NRXN3: variants seen among roughly 807,000 people sequenced by gnomAD.
NRXN3 encodes neurexin 3.
A neutral mutation model predicts 137.6 loss-of-function variants in NRXN3; 32 were observed. The ratio of observed to expected loss-of-function variants is 0.23; its 90% confidence interval spans 0.18 to 0.31. The LOEUF (loss-of-function observed/expected upper bound fraction) is 0.31, where lower values mean the gene tolerates loss of function less well. NRXN3 is among the 10% of genes least tolerant of loss of function. NRXN3 has a pLI of 1.00. For missense variants in NRXN3, 1,574 were observed against 2,062.5 expected, an observed-to-expected ratio of 0.76 and a Z score of 4.59; for synonymous variants, 798 against 784.5, an observed-to-expected ratio of 1.02 and a Z score of -0.29.
chr14:78,715,148 G>A lies in NRXN3; in HGVS notation c.2044+9G>A, dbSNP rs1203390142. The A allele has an allele frequency of 1.9e-6, 3 of 1,599,314 alleles. 1 individual carries two copies. The South Asian group carries it at 3.3e-5, about 18-fold the overall frequency. ...AAGAACCTGCGAAAGGGGTGAGTCG[G>A]CCTAGAGGATGGCAAGTGAGGGCCT... is the stretch of plus-strand genomic sequence containing the variant. On this transcript the variant is annotated intron_variant, in intron 8 of 20. Transcript: ENST00000335750.
At chr14:79,378,356 A>G (rs1361019052) in intron 15 of NRXN3, among the ~76,000 whole-genome samples, 1 of 152,174 alleles carries the variant, frequency 6.6e-6, no homozygotes, top group Non-Finnish European at 1.5e-5. Context: ...GACTGCATCC[A>G]AAACCAGTCA....
intron 4 of NRXN3, among the ~76,000 whole-genome samples, chr14:78,407,011 G>T (rs949860887): frequency 6.6e-6 from 1 of 152,180 alleles, no homozygotes; most frequent in African/African-American, 2.4e-5. Flanking sequence ...CAGGGTACAA[G>T]GAGACAAAGA....
At chr14:79,278,800 T>C (rs1424075695) in intron 15 of NRXN3, among the ~76,000 whole-genome samples, 5 of 152,130 alleles carry the variant, frequency 3.3e-5, no homozygotes, top group Non-Finnish European at 7.4e-5. Context: ...CGGACTCAGA[T>C]TCCCATCATT....
chr14:79,108,072 A>G (rs1465428765), intron 15 of NRXN3, among the ~76,000 whole-genome samples: 2 of 152,178 alleles, frequency 1.3e-5, no homozygotes, highest in South Asian at 4.1e-4. Flanking sequence ...ACAGGGAAGG[A>G]GTAGTAGCTA....
chr14:78,256,569 G>T (rs1387530595), intron 2 of NRXN3, among the ~76,000 whole-genome samples: 2 of 152,124 alleles, frequency 1.3e-5, no homozygotes, highest in Admixed American at 6.5e-5. Flanking sequence ...CCCCTTTTAG[G>T]GGGTGAGAAA....
At chr14:78,686,766 CA>C (rs1166887997) in intron 6 of NRXN3, among the ~76,000 whole-genome samples, 1 of 152,180 alleles carries the variant, frequency 6.6e-6, no homozygotes, top group Non-Finnish European at 1.5e-5. Context: ...GAAGTCTCAG[CA>C]GAACCCTTGA....
chr14:79,004,147 C>T (rs768172759), intron 15 of NRXN3, among the ~76,000 whole-genome samples: 12 of 152,102 alleles, frequency 7.9e-5, no homozygotes, highest in Non-Finnish European at 1.5e-4. Context: ...TGCCAAGGGT[C>T]CTCACACAGG....
chr14:79,245,985 T>C (rs2075115851), intron 15 of NRXN3, among the ~76,000 whole-genome samples: 1 of 152,142 alleles, frequency 6.6e-6, no homozygotes, highest in African/African-American at 2.4e-5. Context: ...GCCATTTCTA[T>C]TGGAAAGTGA....
chr14:79,484,382 G>T (rs971483812), intron 16 of NRXN3, among the ~76,000 whole-genome samples: 76 of 152,044 alleles, frequency 5.0e-4, no homozygotes, highest in African/African-American at 1.8e-3. Context: ...TAGAAAACGT[G>T]CCCAGCTGGT....
intron 15 of NRXN3, among the ~76,000 whole-genome samples, chr14:79,116,482 T>C (rs1178591745): frequency 6.6e-6 from 1 of 152,224 alleles, no homozygotes; most frequent in East Asian, 1.9e-4. Context: ...AAGCTCTGGC[T>C]TAGTTACTGT....
intron 20 of NRXN3, among the ~76,000 whole-genome samples, chr14:79,852,045 G>T (rs561842722): frequency 2.6e-4 from 39 of 151,884 alleles, no homozygotes; most frequent in African/African-American, 9.2e-4. Context: ...TCATCATTGT[G>T]CTCTGTCACT....
intron 15 of NRXN3, among the ~76,000 whole-genome samples, chr14:79,070,110 C>G (rs1427230374): frequency 6.6e-6 from 1 of 152,092 alleles, no homozygotes; most frequent in East Asian, 1.9e-4. Context: ...TGTTATGACC[C>G]TCTAATTGGC....
At chr14:79,848,099 C>T (rs2099384098) in intron 20 of NRXN3, among the ~76,000 whole-genome samples, 3 of 152,134 alleles carry the variant, frequency 2.0e-5, no homozygotes, top group Admixed American at 6.5e-5. Flanking sequence ...GCACATCTTT[C>T]AATACTTGAA....
chr14:79,404,800 G>A (rs551536123), intron 15 of NRXN3, among the ~76,000 whole-genome samples: 3 of 152,314 alleles, frequency 2.0e-5, no homozygotes, highest in South Asian at 4.1e-4. Flanking sequence ...TCTTTCAAGA[G>A]GGATGAAAGA....
chr14:79,723,507 G>A (rs552281996), intron 19 of NRXN3, among the ~76,000 whole-genome samples: 29 of 152,168 alleles, frequency 1.9e-4, no homozygotes, highest in African/African-American at 6.3e-4. Context: ...TGAAATTCGA[G>A]TCTGTGCTAT....
chr14:78,823,513 G>A (rs575380340), intron 10 of NRXN3, among the ~76,000 whole-genome samples: 3 of 152,040 alleles, frequency 2.0e-5, no homozygotes, highest in South Asian at 2.1e-4. Flanking sequence ...CTGGCACTTC[G>A]CACATCTTTC....
At chr14:79,839,463 A>G (rs970304343) in intron 20 of NRXN3, among the ~76,000 whole-genome samples, 5 of 152,192 alleles carry the variant, frequency 3.3e-5, no homozygotes, top group Non-Finnish European at 7.3e-5. Context: ...ACAGATATTC[A>G]GAGATCATTT....
At chr14:78,411,919 A>G (rs994578892) in intron 4 of NRXN3, among the ~76,000 whole-genome samples, 1 of 152,208 alleles carries the variant, frequency 6.6e-6, no homozygotes, top group Non-Finnish European at 1.5e-5. Flanking sequence ...TTATGTGTCT[A>G]TGTTTTCATT....
At chr14:79,835,357 C>T (rs1028935170) in intron 20 of NRXN3, among the ~76,000 whole-genome samples, 6 of 152,166 alleles carry the variant, frequency 3.9e-5, no homozygotes, top group Non-Finnish European at 7.4e-5. Context: ...TCCTATGCAG[C>T]TGTCACTCAC....
Sources: allele counts gnomAD v4.1 joint callset (sites outside exome capture counted in the v4.1 genomes callset), GRCh38; gene constraint gnomAD v4.1.1; transcripts MANE v1.5; gene names NCBI Gene and HGNC (gene_info 2026-07-23, HGNC 2026-07-21).